The following KIAA1671 variants were observed in gnomAD, a reference collection of about 807,000 sequenced individuals.
KIAA1671 encodes uncharacterized protein KIAA1671.
Under a neutral mutation model 131.2 loss-of-function variants are expected in KIAA1671, and 52 were observed. The observed-to-expected ratio is 0.40, with a 90% CI of 0.32 to 0.50. The LOEUF is 0.50. Ranked by LOEUF, KIAA1671 falls within the 20% of genes least tolerant of loss-of-function variation. The probability of loss-of-function intolerance (pLI) is 0.73; values close to 1 mark genes in which losing one functional copy is unlikely to be tolerated. For missense variants in KIAA1671, 2,360 were observed against 2,364.2 expected (o/e 1.00, Z 0.04); for synonymous variants, 1,003 against 961.6 (o/e 1.04, Z -0.80).
At chr22:24,997,856 C>T (rs1414553126) in intron 1 of KIAA1671, among the ~76,000 whole-genome samples, 1 of 152,116 alleles carries the variant, frequency 6.6e-6, no homozygotes, top group Non-Finnish European at 1.5e-5. Context: ...CATCTTTATA[C>T]CCCTTCCTAG....
intron 6 of KIAA1671, among the ~76,000 whole-genome samples, chr22:25,097,514 A>G (rs1930446035): frequency 6.6e-6 from 1 of 152,024 alleles, no homozygotes; most frequent in Non-Finnish European, 1.5e-5. Flanking sequence ...GCTGAGGCAG[A>G]TGGATCACGA....
intron 6 of KIAA1671, among the ~76,000 whole-genome samples, chr22:25,108,871 G>T (rs138295793): frequency 2.0e-5 from 3 of 152,168 alleles, no homozygotes; most frequent in South Asian, 2.1e-4. Flanking sequence ...CCAGGTCTAC[G>T]GTCAGCTAAG....
intron 1 of KIAA1671, among the ~76,000 whole-genome samples, chr22:24,967,046 A>G (rs943817873): frequency 2.0e-5 from 3 of 152,150 alleles, no homozygotes; most frequent in Admixed American, 2.0e-4. Flanking sequence ...GTTCTTGAGT[A>G]TACCCCCTCC....
chr22:24,956,038 A>G (rs939608715), intron 1 of KIAA1671, among the ~76,000 whole-genome samples: 16 of 151,936 alleles, frequency 1.1e-4, no homozygotes, highest in African/African-American at 3.6e-4. Context: ...AAAAAAAAAA[A>G]AAAAGAAAAG....
chr22:25,075,179 A>G lies in KIAA1671; in HGVS notation c.4530+25815A>G, dbSNP rs543278489. Among the ~76,000 whole-genome samples the G allele has an allele frequency of 2.6e-5, 4 of 152,294 alleles. No homozygotes were observed. In the East Asian group the frequency reaches 7.7e-4, roughly 29 times the overall value. ...GGGACATTTGGCAATGTCTGGAGAC[A>G]TGTTTGATTGTCACAGCTGAGGACA... On this transcript the variant is annotated intron_variant, in intron 6 of 12. Coordinates refer to ENST00000358431, the MANE Select transcript of KIAA1671 (RefSeq NM_001145206.2).
chr22:25,150,754 C>A (rs1217915981), intron 6 of KIAA1671, among the ~76,000 whole-genome samples: 1 of 151,982 alleles, frequency 6.6e-6, no homozygotes, highest in Non-Finnish European at 1.5e-5. Context: ...CTGAACAGCA[C>A]CCCGCTCCTC....
At chr22:24,986,975 C>G (rs1441789463) in intron 1 of KIAA1671, among the ~76,000 whole-genome samples, 1 of 151,942 alleles carries the variant, frequency 6.6e-6, no homozygotes, top group African/African-American at 2.4e-5. Context: ...CATAAGACCT[C>G]TGTCACACCT....
chr22:25,190,956 A>G (rs893833010), intron 12 of KIAA1671, among the ~76,000 whole-genome samples, 172 bp downstream of exon 12: 1 of 152,030 alleles, frequency 6.6e-6, no homozygotes, highest in Non-Finnish European at 1.5e-5. Flanking sequence ...GAGGATGGTT[A>G]TGTCTGTTTC....
At chr22:25,058,188 T>G (rs1927956635) in intron 6 of KIAA1671, 1 of 152,154 alleles carries the variant, frequency 6.6e-6, no homozygotes, top group Admixed American at 6.6e-5. Flanking sequence ...TGGGCATCAG[T>G]GTTTTTTAAA....
intron 6 of KIAA1671, among the ~76,000 whole-genome samples, chr22:25,087,731 A>G (rs1216672905): frequency 6.6e-6 from 1 of 152,222 alleles, no homozygotes; most frequent in Non-Finnish European, 1.5e-5. Context: ...CAACAGCTTG[A>G]GTCAACGTGG....
chr22:25,171,086 G>T (rs1933830571), intron 7 of KIAA1671, 148 bp downstream of exon 7: 7 of 681,766 alleles, frequency 1.0e-5, no homozygotes, highest in Non-Finnish European at 1.2e-5. Flanking sequence ...AAGGAAATTA[G>T]GAAGTACAAA....
intron 1 of KIAA1671, among the ~76,000 whole-genome samples, chr22:24,995,208 GC>G (rs1924057918): frequency 6.6e-6 from 1 of 151,826 alleles, no homozygotes; most frequent in South Asian, 2.1e-4. Flanking sequence ...CCGCCACCAT[GC>G]CTGGCTAATT....
intron 1 of KIAA1671, among the ~76,000 whole-genome samples, chr22:24,992,984 G>A (rs1277000795): frequency 6.6e-6 from 1 of 152,028 alleles, no homozygotes; most frequent in Non-Finnish European, 1.5e-5. Context: ...GGTAGGATTT[G>A]AATTTGAGTC....
intron 6 of KIAA1671, among the ~76,000 whole-genome samples, chr22:25,093,792 C>G (rs8139005): frequency 0.013 from 1,303 of 100,814 alleles, 17 homozygotes; most frequent in Non-Finnish European, 0.018. Context: ...CTCTCTCTCT[C>G]TCTCTCTCTC....
At chr22:25,130,773 T>A (rs750776250) in intron 6 of KIAA1671, among the ~76,000 whole-genome samples, 1 of 152,114 alleles carries the variant, frequency 6.6e-6, no homozygotes, top group Non-Finnish European at 1.5e-5. Context: ...CTCTCCCCAC[T>A]GCCCTCGAAG....
At chr22:25,017,978 GC>G (rs1186116790) in intron 1 of KIAA1671, among the ~76,000 whole-genome samples, 2 of 151,938 alleles carry the variant, frequency 1.3e-5, no homozygotes, top group Non-Finnish European at 2.9e-5. Context: ...TTTATCTCAT[GC>G]CTTTGGGCCT....
At position 25,028,622 on chromosome 22, in the gene KIAA1671, C is replaced by G; in HGVS notation, c.623C>G (p.Pro208Arg). The G allele has an allele frequency of 6.4e-7, 1 of 1,551,088 alleles. No homozygotes were observed. The highest frequency in any genetic ancestry group is 1.2e-5 in the South Asian group (1 of 84,058). ...PLSQDTKPPV[P>R]QEEAGQDHPP... Reference sequence around the variant, plus strand: ...TCTCAGGACACAAAACCACCTGTACCCCAAGAGGAGGCAGGCCAAGACCAT... The same window carrying G: ...TCTCAGGACACAAAACCACCTGTACGCCAAGAGGAGGCAGGCCAAGACCAT... The change falls in exon 3 of 13, where the codon CCC becomes CGC. Residue 208 changes from proline (P) to arginine (R), a missense_variant. Physicochemically the swap from Pro to Arg is moderately radical, Grantham distance 103. Coordinates refer to ENST00000358431, the MANE Select transcript of KIAA1671 (RefSeq NM_001145206.2).
intron 1 of KIAA1671, among the ~76,000 whole-genome samples, chr22:25,006,862 G>T (rs1261422815): frequency 6.6e-6 from 1 of 152,108 alleles, no homozygotes; most frequent in Non-Finnish European, 1.5e-5. Context: ...ATGACATTGG[G>T]CTCAGAGAAT....
chr22:25,029,208 C>T lies in KIAA1671; in HGVS notation c.1209C>T (p.Pro403=). The T allele has an allele frequency of 7.5e-6, 11 of 1,459,310 alleles. No homozygotes were observed. Among genetic ancestry groups the T allele is most frequent in the Non-Finnish European group, 1.0e-5 (11 of 1,102,488 alleles). 90.4% of individuals were successfully genotyped at this position (1,459,310 alleles called of 1,614,324 possible). A position where few individuals can be genotyped will look rare whatever the true frequency, so the allele number is the denominator to read the frequency against. ...AGCCAGAGAAGGCTGCTGAGTCCCC[C>T]TCACCCAGGCTGGGAAGGGGCCTAG... ...DPEPEKAAES[P]SPRLGRGLEL... The change falls in exon 3 of 13, where the codon CCC becomes CCT. Residue 403 remains proline, a synonymous_variant. Transcript: ENST00000358431.
Sources: gnomAD v4.1 joint callset for allele counts (sites outside exome capture counted in the v4.1 genomes callset) on GRCh38, gnomAD v4.1.1 for gene constraint, MANE v1.5 for transcripts, NCBI Gene and HGNC (gene_info 2026-07-23, HGNC 2026-07-21) for gene names.